Variants in AKNAD1 observed in about 807,000 individuals in gnomAD.
AKNAD1 encodes AKNA domain containing 1, also known as protein AKNAD1.
Under a neutral mutation model 90.8 loss-of-function variants are expected in AKNAD1, and 67 were observed. That is an observed-to-expected ratio of 0.74 (90% confidence interval 0.61 to 0.90). AKNAD1 has a LOEUF of 0.90. AKNAD1 is among the 40% of genes least tolerant of loss of function. The pLI is 0.00. For synonymous variants in AKNAD1, 327 were observed against 341.4 expected, an observed-to-expected ratio of 0.96 and a Z score of 0.46; for missense variants, 957 against 975.4, an observed-to-expected ratio of 0.98 and a Z score of 0.25.
chr1:108,841,253 G>C (rs1664543825), intron 6 of AKNAD1, among the ~76,000 whole-genome samples: 1 of 152,000 alleles, frequency 6.6e-6, no homozygotes, highest in Admixed American at 6.6e-5. Context: ...GAAGTAGAAA[G>C]GGATGGGTTC....
chr1:108,816,769 C>G (rs2101150884), intron 15 of AKNAD1: 1 of 397,210 alleles, frequency 2.5e-6, no homozygotes, highest in Admixed American at 3.9e-5. Flanking sequence ...GGAACAGACC[C>G]AGTGCCTTCA....
intron 2 of AKNAD1, among the ~76,000 whole-genome samples, chr1:108,851,044 G>T (rs138144826): frequency 2.0e-5 from 3 of 152,292 alleles, no homozygotes; most frequent in African/African-American, 7.2e-5. Context: ...AGGGCATAAC[G>T]TACGTTAAGA....
chr1:108,823,944 G>C (rs986044647), intron 11 of AKNAD1, among the ~76,000 whole-genome samples: 1 of 152,204 alleles, frequency 6.6e-6, no homozygotes, highest in Non-Finnish European at 1.5e-5. Flanking sequence ...TTTAGGCTTA[G>C]TAAAGGTCTG....
chr1:108,841,130 G>A (rs546666985), intron 6 of AKNAD1, among the ~76,000 whole-genome samples: 9 of 152,018 alleles, frequency 5.9e-5, no homozygotes, highest in East Asian at 1.9e-4. Flanking sequence ...CCGAGATCGC[G>A]CCACTGCACT....
At chr1:108,841,919 T>C (rs891376359) in intron 6 of AKNAD1, among the ~76,000 whole-genome samples, 1 of 152,284 alleles carries the variant, frequency 6.6e-6, no homozygotes, top group South Asian at 2.1e-4. Context: ...TTTATACTCA[T>C]GCCAGGCACA....
rs747976210 is a variant in AKNAD1, at chr1:108,852,098, C to A, written c.567G>T (p.Thr189=). Residue 189 remains threonine, a synonymous_variant, in exon 2 of 16, where the codon ACG becomes ACT. Transcript: ENST00000370001. ...CTAAATCAGAGGTATTTTCCTCTGT[C>A]GTGGTGGCAGAACCAGGCTTATTGC... ...ENSNKPGSAT[T]TEENTSDLEG... The A allele has an allele frequency of 1.3e-5, 21 of 1,614,044 alleles. No individual in the cohort carries two copies. In the South Asian group the frequency reaches 2.1e-4, roughly 16 times the overall value.
chr1:108,843,194 G>A lies in AKNAD1; in HGVS notation c.1319C>T (p.Thr440Ile), dbSNP rs1310384624. Reference protein sequence around the residue: ...NFLATKDKHLTLQQQVHKHES... With the variant: ...NFLATKDKHLILQQQVHKHES... ...GTGCTTGTGGACTTGCTGCTGCAAAGTCAGATGCTTGTCCTTGGTGGCCAG... is the reference window on the plus strand; with the variant it reads ...GTGCTTGTGGACTTGCTGCTGCAAAATCAGATGCTTGTCCTTGGTGGCCAG... Residue 440 changes from threonine (T) to isoleucine (I), a missense_variant, in exon 6 of 16, where the codon ACT becomes ATT. Thr to Ile is a moderately conservative substitution (Grantham distance 89). Coordinates refer to ENST00000370001, the MANE Select transcript of AKNAD1 (RefSeq NM_152763.5). 6.2e-7 allele frequency: 1 copy of A among 1,614,076 alleles called. No individual in the cohort carries two copies. Among genetic ancestry groups the A allele is most frequent in the African/African-American group, 1.3e-5 (1 of 74,940 alleles).
chr1:108,849,673 C>A (rs893705690), intron 2 of AKNAD1, 97 bp from the exon 3 acceptor site: 3 of 886,412 alleles, frequency 3.4e-6, no homozygotes, highest in African/African-American at 3.4e-5. Flanking sequence ...ATAGAGGGAG[C>A]CCAGGTTTGC....
At chr1:108,834,389 T>C in intron 9 of AKNAD1, 58 bp downstream of exon 9, 1 of 1,414,666 alleles carries the variant, frequency 7.1e-7, no homozygotes, top group Non-Finnish European at 9.7e-7. Context: ...AACACTGGTT[T>C]TAGTTAAAGA....
Position 108,852,025 on chromosome 1 carries a change from C to G in AKNAD1, c.640G>C (p.Val214Leu). Residue 214 changes from valine (V) to leucine (L), a missense_variant, in exon 2 of 16, where the codon GTT (valine) becomes CTT (leucine). Coordinates refer to ENST00000370001, the MANE Select transcript of AKNAD1 (RefSeq NM_152763.5). ...CCTGGACCCTTGGTTTTAGTTAGAA[C>G]ATTCACATTTTCTTGATGGCTGCTA... ...GDSSHQENVN[V>L]LTKTKGPGDK... 6.2e-7 allele frequency: 1 copy of G among 1,614,036 alleles called. No homozygotes were observed. The highest frequency in any genetic ancestry group is 8.5e-7 in the Non-Finnish European group (1 of 1,179,990).
At chr1:108,853,293 A>G (rs979427978) in intron 1 of AKNAD1, among the ~76,000 whole-genome samples, 2 of 151,818 alleles carry the variant, frequency 1.3e-5, no homozygotes, top group Non-Finnish European at 2.9e-5. Flanking sequence ...CACCACGCCC[A>G]GCTAATTTTT....
At chr1:108,853,328 T>C (rs1207787828) in intron 1 of AKNAD1, among the ~76,000 whole-genome samples, 2 of 151,906 alleles carry the variant, frequency 1.3e-5, no homozygotes, top group Non-Finnish European at 2.9e-5. Context: ...AGATGGGGTT[T>C]CACCATATTA....
At chr1:108,830,827 A>G in intron 9 of AKNAD1, 177 bp from the exon 10 acceptor site, 1 of 623,626 alleles carries the variant, frequency 1.6e-6, no homozygotes, top group African/African-American at 1.8e-5. Flanking sequence ...CAGGAGGGAA[A>G]GAAGAAAGAG....
chr1:108,848,414 T>C (rs1409557162), intron 5 of AKNAD1, among the ~76,000 whole-genome samples: 1 of 152,232 alleles, frequency 6.6e-6, no homozygotes, highest in Non-Finnish European at 1.5e-5. Context: ...TTTTATAACC[T>C]GAATTCACCA....
chr1:108,838,794 G>A (rs1414387643), intron 6 of AKNAD1, among the ~76,000 whole-genome samples: 1 of 151,990 alleles, frequency 6.6e-6, no homozygotes, highest in Non-Finnish European at 1.5e-5. Context: ...AAATTTAGGT[G>A]AACTGGGCAA....
rs5776950 is a variant in AKNAD1, at chr1:108,834,535, T to TA, written c.1665-8dup. 156,742 of 1,304,886 alleles carry TA rather than the reference T, an allele frequency of 0.12. 1,876 individuals carry two copies. The highest frequency in any genetic ancestry group is 0.18 in the African/African-American group (12,430 of 68,284). The allele number at this position is 1,304,886 out of a possible 1,614,324, so 80.8% of individuals were successfully genotyped here. ...ATAATGACCGTTTAGGTAACTAATT[T>TA]AAAAAAAAAAAAAGCAGTTTGAATG... On this transcript the variant is annotated splice_region_variant and splice_polypyrimidine_tract_variant and intron_variant, in intron 8 of 15. Transcript: ENST00000370001.
chr1:108,831,153 C>T (rs1417426930), intron 9 of AKNAD1, among the ~76,000 whole-genome samples: 1 of 152,174 alleles, frequency 6.6e-6, no homozygotes, highest in Non-Finnish European at 1.5e-5. Flanking sequence ...TAGGGACTGT[C>T]TGGGGGCCTA....
intron 11 of AKNAD1, among the ~76,000 whole-genome samples, chr1:108,824,967 G>A (rs1035529743): frequency 1.1e-4 from 17 of 151,658 alleles, no homozygotes; most frequent in African/African-American, 3.9e-4. Flanking sequence ...CCTAGGCCAT[G>A]AAAGACACTG....
At chr1:108,817,308 T>A (rs975515311) in intron 14 of AKNAD1, 131 bp from the exon 15 acceptor site, 3 of 1,168,044 alleles carry the variant, frequency 2.6e-6, no homozygotes, top group Non-Finnish European at 3.5e-6. Flanking sequence ...CCCGCTGCCC[T>A]CCTAGCTCTC....
Sources: allele counts gnomAD v4.1 joint callset (sites outside exome capture counted in the v4.1 genomes callset), GRCh38; gene constraint gnomAD v4.1.1; transcripts MANE v1.5; gene names NCBI Gene and HGNC (gene_info 2026-07-23, HGNC 2026-07-21).